Variants in CSMD2 observed in about 807,000 individuals in gnomAD.
CSMD2 encodes CUB and Sushi multiple domains 2.
Under a neutral mutation model 398.5 loss-of-function variants are expected in CSMD2, and 130 were observed. That is an observed-to-expected ratio of 0.33 (90% CI 0.28 to 0.38). The LOEUF (loss-of-function observed/expected upper bound fraction) is 0.38. Among genes scored for constraint, CSMD2 ranks in the 10% least tolerant of loss-of-function variants. The probability of loss-of-function intolerance (pLI) is 1.00; values close to 1 mark genes in which losing one functional copy is unlikely to be tolerated. For synonymous variants in CSMD2, 1,828 were observed against 1,908.5 expected (o/e 0.96, Z 1.10); for missense variants, 3,829 against 4,764.9 (o/e 0.80, Z 5.78).
At chr1:33,682,290 C>G (rs1036421342) in intron 25 of CSMD2, among the ~76,000 whole-genome samples, 3 of 152,082 alleles carry the variant, frequency 2.0e-5, no homozygotes, top group African/African-American at 7.2e-5. Context: ...CCAGGATAAC[C>G]CCTTCATTTC....
intron 5 of CSMD2, among the ~76,000 whole-genome samples, chr1:33,852,377 G>C (rs557456670): frequency 1.3e-5 from 2 of 152,212 alleles, no homozygotes; most frequent in African/African-American, 4.8e-5. Flanking sequence ...GCTTTTTAAT[G>C]TCTTTCCTCT....
chr1:33,702,266 A>C (rs1645635741), intron 22 of CSMD2, among the ~76,000 whole-genome samples: 1 of 152,186 alleles, frequency 6.6e-6, no homozygotes, highest in Non-Finnish European at 1.5e-5. Flanking sequence ...ATAAACTATA[A>C]ATTTAAAAAA....
At chr1:33,810,170 TAA>T (rs1656693720) in intron 10 of CSMD2, among the ~76,000 whole-genome samples, 1 of 151,982 alleles carries the variant, frequency 6.6e-6, no homozygotes, top group African/African-American at 2.4e-5. Context: ...GTAAAATTTA[TAA>T]GAGAGAACAA....
chr1:34,164,471 G>A lies in CSMD2; in HGVS notation c.187+440C>T, dbSNP rs1002961320. Among the ~76,000 whole-genome samples the A allele has an allele frequency of 3.3e-5, 5 of 152,140 alleles. No individual in the cohort carries two copies. The highest frequency in any genetic ancestry group is 1.2e-4 in the African/African-American group (5 of 41,532). On this transcript the variant is annotated intron_variant, in intron 1 of 70. Coordinates refer to ENST00000373381, the MANE Select transcript of CSMD2 (RefSeq NM_001281956.2). The surrounding 1 kb of genome is among the most constrained non-coding windows in gnomAD (Gnocchi z 6.2). ...GCAGACGCAGAAATGGGGAGGGGGC[G>A]CACGGTTCCTCTCCAGCCCCCAGGA...
At chr1:34,024,080 A>G (rs967115537) in intron 3 of CSMD2, among the ~76,000 whole-genome samples, 4 of 152,332 alleles carry the variant, frequency 2.6e-5, no homozygotes, top group Admixed American at 2.0e-4. Context: ...CCTGAGGGAA[A>G]GCTAGGGTTT....
chr1:33,748,513 A>G (rs888740834), intron 13 of CSMD2, among the ~76,000 whole-genome samples: 2 of 152,204 alleles, frequency 1.3e-5, no homozygotes, highest in East Asian at 3.8e-4. Context: ...ATATTAGGTT[A>G]TTATTTAACA....
intron 9 of CSMD2, chr1:33,813,184 G>C (rs1378266130): frequency 6.6e-6 from 1 of 152,240 alleles, no homozygotes; most frequent in Non-Finnish European, 1.5e-5. Flanking sequence ...GTTGAAACAT[G>C]CTGAAGGTAA....
At chr1:34,016,143 G>A (rs1411828209) in intron 3 of CSMD2, among the ~76,000 whole-genome samples, 2 of 151,888 alleles carry the variant, frequency 1.3e-5, no homozygotes, top group Non-Finnish European at 2.9e-5. Context: ...AAACATATAC[G>A]TTTTTAAATT....
intron 4 of CSMD2, 86 bp downstream of exon 4, chr1:33,935,674 C>T (rs1644456455): frequency 7.3e-7 from 1 of 1,376,032 alleles, no homozygotes; most frequent in Admixed American, 2.5e-5. Context: ...TGTAGCTTTG[C>T]CCTTTGAGAC....
intron 2 of CSMD2, among the ~76,000 whole-genome samples, chr1:34,058,079 G>A: frequency 6.6e-6 from 1 of 152,170 alleles, no homozygotes. Flanking sequence ...GGGACAGGAT[G>A]AGCACAGCTG....
At chr1:34,037,076 C>T (rs1651220666) in intron 2 of CSMD2, among the ~76,000 whole-genome samples, 1 of 152,094 alleles carries the variant, frequency 6.6e-6, no homozygotes, top group Non-Finnish European at 1.5e-5. Context: ...ATGCTTCTGT[C>T]TGTGAATTTC....
chr1:33,737,731 C>T lies in CSMD2; in HGVS notation c.2368+1409G>A, dbSNP rs75805452. Among the ~76,000 whole-genome samples the T allele has an allele frequency of 4.4e-3, 669 of 152,268 alleles. 8 individuals carry two copies. The highest frequency in any genetic ancestry group is 0.015 in the African/African-American group (643 of 41,544). The stretch of plus-strand genomic sequence containing the variant: ...AAGGCCATTCATTCATTCATTTATT[C>T]GGTGACTCATCAACCAGTATTGATT... On this transcript the variant is annotated intron_variant, in intron 15 of 70. Coordinates refer to ENST00000373381, the MANE Select transcript of CSMD2 (RefSeq NM_001281956.2).
rs1218002953 is a variant in CSMD2, at chr1:33,625,070, G to A, written c.5481C>T (p.Val1827=). The change falls in exon 34 of 71, where the codon GTC becomes GTT. Residue 1827 remains valine, a synonymous_variant. Coordinates refer to ENST00000373381, the MANE Select transcript of CSMD2 (RefSeq NM_001281956.2). ...ACTCACCCACACACGTGGGCGCTGA[G>A]ACATTCCATTGGGCCAAGGCCCCAG... ...PVPGALAQWN[V]SAPTCVVPCG... 1 of 1,614,066 alleles carries A rather than the reference G, an allele frequency of 6.2e-7. No individual in the cohort carries two copies. The highest frequency in any genetic ancestry group is 1.6e-4 in the Middle Eastern group (1 of 6,062).
At chr1:33,589,498 T>C (rs1417227385) in intron 44 of CSMD2, among the ~76,000 whole-genome samples, 1 of 152,256 alleles carries the variant, frequency 6.6e-6, no homozygotes, top group Non-Finnish European at 1.5e-5. Flanking sequence ...TTTATTTTAA[T>C]TGGCATTTGA....
At chr1:33,726,232 T>C (rs2149207649) in intron 16 of CSMD2, among the ~76,000 whole-genome samples, 1 of 152,246 alleles carries the variant, frequency 6.6e-6, no homozygotes, top group South Asian at 2.1e-4. Flanking sequence ...ACCAGAGTCA[T>C]GCTTTAACAT....
intron 53 of CSMD2, among the ~76,000 whole-genome samples, chr1:33,564,468 C>T (rs546447494): frequency 3.9e-5 from 6 of 152,310 alleles, no homozygotes; most frequent in African/African-American, 1.4e-4. Flanking sequence ...TTGTATACAT[C>T]GTGCACCAAT....
At chr1:33,985,562 C>T (rs926206876) in intron 3 of CSMD2, among the ~76,000 whole-genome samples, 6 of 152,156 alleles carry the variant, frequency 3.9e-5, no homozygotes, top group Non-Finnish European at 5.9e-5. Flanking sequence ...GAAACGTACC[C>T]GAGTGTGAAT....
intron 13 of CSMD2, among the ~76,000 whole-genome samples, chr1:33,753,689 A>G (rs1648582151): frequency 6.6e-6 from 1 of 152,256 alleles, no homozygotes; most frequent in Admixed American, 6.5e-5. Context: ...AGTCCAACTC[A>G]TGAGAGCAGC....
intron 1 of CSMD2, among the ~76,000 whole-genome samples, chr1:34,120,153 A>G (rs189438955): frequency 6.6e-4 from 100 of 152,350 alleles, no homozygotes; most frequent in Non-Finnish European, 9.1e-4. Context: ...ACATTATATG[A>G]AGTGCAATAA....
Sources: allele counts gnomAD v4.1 joint callset (sites outside exome capture counted in the v4.1 genomes callset), GRCh38; gene constraint gnomAD v4.1.1; non-coding constraint Gnocchi (gnomAD v3.1); transcripts MANE v1.5; gene names NCBI Gene and HGNC (gene_info 2026-07-23, HGNC 2026-07-21).